The following SRPK2 variants were observed in gnomAD, a reference collection of about 807,000 sequenced individuals.
SRPK2 encodes the protein SRSF protein kinase 2, also known as SFRS protein kinase 2.
SRPK2 carries 21 observed loss-of-function variants against 90.8 expected under a neutral mutation model. That is an observed-to-expected ratio of 0.23 (90% confidence interval 0.16 to 0.33). SRPK2 has a LOEUF of 0.33. Ranked by LOEUF, SRPK2 falls within the 10% of genes least tolerant of loss-of-function variation. The pLI, the probability that SRPK2 is intolerant of heterozygous loss-of-function variation, is 1.00. For synonymous variants in SRPK2, 288 were observed against 311.1 expected, an observed-to-expected ratio of 0.93 and a Z score of 0.78; for missense variants, 620 against 869.0, an observed-to-expected ratio of 0.71 and a Z score of 3.60.
At chr7:105,228,903 G>C (rs981199266) in intron 2 of SRPK2, among the ~76,000 whole-genome samples, 18 of 152,208 alleles carry the variant, frequency 1.2e-4, no homozygotes, top group Non-Finnish European at 2.5e-4. Flanking sequence ...TGAGTAAACA[G>C]GGCGCCCCTG....
At chr7:105,357,550 C>A (rs762935951) in intron 2 of SRPK2, among the ~76,000 whole-genome samples, 3 of 151,968 alleles carry the variant, frequency 2.0e-5, no homozygotes, top group Non-Finnish European at 4.4e-5. Context: ...TCAGGACCAG[C>A]CTAGCCAACA....
chr7:105,369,655 A>G (rs2132418396), intron 2 of SRPK2, among the ~76,000 whole-genome samples: 1 of 152,314 alleles, frequency 6.6e-6, no homozygotes, highest in South Asian at 2.1e-4. Flanking sequence ...GATAAAATAC[A>G]TCATGCCCAA....
intron 13 of SRPK2, among the ~76,000 whole-genome samples, chr7:105,129,335 CAT>C (rs1256236885): frequency 2.0e-5 from 3 of 152,174 alleles, no homozygotes; most frequent in Non-Finnish European, 4.4e-5. Flanking sequence ...AACAATACAA[CAT>C]GTACAACAGG....
At chr7:105,367,708 C>G (rs548368132) in intron 2 of SRPK2, among the ~76,000 whole-genome samples, 1 of 152,296 alleles carries the variant, frequency 6.6e-6, no homozygotes, top group Non-Finnish European at 1.5e-5. Context: ...TTTATGTTTG[C>G]ACTTCTCTTG....
chr7:105,360,249 C>G (rs1386114231), intron 2 of SRPK2, among the ~76,000 whole-genome samples: 1 of 152,094 alleles, frequency 6.6e-6, no homozygotes, highest in African/African-American at 2.4e-5. Flanking sequence ...CTTCCTCCAT[C>G]CCTTTATTTT....
At chr7:105,339,136 GTTAA>G (rs142536756) in intron 2 of SRPK2, among the ~76,000 whole-genome samples, 1,608 of 152,210 alleles carry the variant, frequency 0.011, 29 homozygotes, top group African/African-American at 0.035. Context: ...CCATTCTTGC[GTTAA>G]TTAAGTCACA....
intron 2 of SRPK2, among the ~76,000 whole-genome samples, chr7:105,207,068 A>C (rs1439990918): frequency 6.6e-6 from 1 of 152,256 alleles, no homozygotes; most frequent in Non-Finnish European, 1.5e-5. Context: ...ACATAGGAAA[A>C]TCAAGGTAAA....
At chr7:105,263,308 G>C (rs1251574371) in intron 2 of SRPK2, among the ~76,000 whole-genome samples, 1 of 150,236 alleles carries the variant, frequency 6.7e-6, no homozygotes, top group Non-Finnish European at 1.5e-5. Context: ...GGGCAAAAGA[G>C]CAAAACTCCA....
At chr7:105,252,434 A>G (rs1326186751) in intron 2 of SRPK2, among the ~76,000 whole-genome samples, 1 of 152,226 alleles carries the variant, frequency 6.6e-6, no homozygotes, top group East Asian at 1.9e-4. Context: ...AAAGGTTAAA[A>G]TAACAGTTCA....
At chr7:105,396,801 A>AC (rs1822340865) in intron 1 of SRPK2, among the ~76,000 whole-genome samples, 1 of 55,736 alleles carries the variant, frequency 1.8e-5, no homozygotes. Flanking sequence ...AAAGAGAAAG[A>AC]GAAAGAAAGA....
At chr7:105,181,896 A>C (rs1338475091) in intron 3 of SRPK2, among the ~76,000 whole-genome samples, 1 of 83,288 alleles carries the variant, frequency 1.2e-5, no homozygotes, top group Non-Finnish European at 3.2e-5. Flanking sequence ...AAAAAAAAAA[A>C]CAGAAAACAC....
At chr7:105,183,123 A>T (rs1793101364) in intron 3 of SRPK2, among the ~76,000 whole-genome samples, 1 of 152,224 alleles carries the variant, frequency 6.6e-6, no homozygotes, top group Non-Finnish European at 1.5e-5. Flanking sequence ...CTAGACAAAG[A>T]AAATTATTTA....
intron 2 of SRPK2, among the ~76,000 whole-genome samples, chr7:105,256,286 T>C (rs1803296319): frequency 6.6e-6 from 1 of 152,052 alleles, no homozygotes; most frequent in African/African-American, 2.4e-5. Context: ...GAGGAGATAC[T>C]CTTATTGTTA....
chr7:105,243,079 G>A (rs750455873), intron 2 of SRPK2, among the ~76,000 whole-genome samples: 20 of 152,054 alleles, frequency 1.3e-4, no homozygotes, highest in South Asian at 1.0e-3. Flanking sequence ...CTAACTCACC[G>A]TAGACTCCAA....
chr7:105,200,252 G>T (rs1214638364), intron 3 of SRPK2, among the ~76,000 whole-genome samples: 1 of 152,076 alleles, frequency 6.6e-6, no homozygotes, highest in Admixed American at 6.6e-5. Flanking sequence ...GTGAAACAGA[G>T]ATCACACCAC....
intron 2 of SRPK2, among the ~76,000 whole-genome samples, chr7:105,249,274 T>C (rs894178912): frequency 6.6e-6 from 1 of 152,186 alleles, no homozygotes; most frequent in Non-Finnish European, 1.5e-5. Flanking sequence ...TATGTGACAT[T>C]CTTAAGTCAT....
At chr7:105,374,217 G>A (rs541077733) in intron 2 of SRPK2, among the ~76,000 whole-genome samples, 14 of 152,028 alleles carry the variant, frequency 9.2e-5, no homozygotes, top group South Asian at 2.1e-4. Flanking sequence ...ATGAGCCACC[G>A]CGCCCAGCCA....
intron 2 of SRPK2, chr7:105,298,824 T>A (rs1810179203): frequency 1.0e-6 from 1 of 983,990 alleles, no homozygotes; most frequent in African/African-American, 1.7e-5. Flanking sequence ...CAGCCCTGCA[T>A]CACAATGCCA....
intron 2 of SRPK2, among the ~76,000 whole-genome samples, chr7:105,222,838 G>A (rs888371897): frequency 3.9e-5 from 6 of 152,140 alleles, no homozygotes; most frequent in Admixed American, 6.5e-5. Context: ...GGAGTCGTCT[G>A]TGGAACGACA....
Sources: gnomAD v4.1 joint callset for allele counts (sites outside exome capture counted in the v4.1 genomes callset) on GRCh38, gnomAD v4.1.1 for gene constraint, MANE v1.5 for transcripts, NCBI Gene and HGNC (gene_info 2026-07-23, HGNC 2026-07-21) for gene names.